HSF1: variants seen among roughly 807,000 people sequenced by gnomAD.
HSF1 encodes heat shock transcription factor 1.
HSF1 carries 32 observed loss-of-function variants against 51.7 expected under a neutral mutation model. That is an observed-to-expected ratio of 0.62 (90% confidence interval 0.47 to 0.83). The LOEUF is 0.83. HSF1 is among the 40% of genes least tolerant of loss of function. HSF1 has a pLI of 0.00. For synonymous variants in HSF1, 396 were observed against 309.7 expected, an observed-to-expected ratio of 1.28 and a Z score of -2.92; for missense variants, 727 against 717.0, an observed-to-expected ratio of 1.01 and a Z score of -0.16.
intron 1 of HSF1, among the ~76,000 whole-genome samples, chr8:144,302,197 A>G (rs1815934120): frequency 6.6e-6 from 1 of 150,990 alleles, no homozygotes; most frequent in Admixed American, 6.6e-5. Flanking sequence ...GCAACTCAGG[A>G]AGACAACCAT....
At chr8:144,299,435 T>TAAA (rs11309028) in intron 1 of HSF1, among the ~76,000 whole-genome samples, 3 of 132,274 alleles carry the variant, frequency 2.3e-5, no homozygotes, top group Middle Eastern at 3.5e-3. Flanking sequence ...AGACTCCTTC[T>TAAA]AAAAAAAAAA....
chr8:144,308,822 A>T, intron 1 of HSF1, 84 bp from the exon 2 acceptor site: 1 of 1,114,366 alleles, frequency 9.0e-7, no homozygotes, highest in Non-Finnish European at 1.4e-6. Context: ...CCTGCGTTTC[A>T]GAAGGGGCGG....
rs548190981 is a variant in HSF1 at position 144,297,154 on chromosome 8, G to A, written c.117+5280G>A. On this transcript the variant is annotated intron_variant, in intron 1 of 12. Coordinates refer to ENST00000528838, the MANE Select transcript of HSF1 (RefSeq NM_005526.4). This position sits in a 1 kb window ranked among gnomAD's most constrained non-coding sequence, Gnocchi z 4.6. The stretch of plus-strand genomic sequence containing the variant: ...GGCGAGCTGGAGAGGGGTCGGTGGG[G>A]CTCACAGTGCCTTCCCAGAGGAAGC... Among the ~76,000 whole-genome samples the A allele has an allele frequency of 8.5e-5, 13 of 152,298 alleles. No homozygotes were observed. Among genetic ancestry groups the A allele is most frequent in the African/African-American group, 3.1e-4 (13 of 41,550 alleles).
intron 1 of HSF1, among the ~76,000 whole-genome samples, chr8:144,302,702 G>C (rs1815973977): frequency 1.3e-5 from 2 of 151,346 alleles, no homozygotes; most frequent in Non-Finnish European, 2.9e-5. Context: ...TGCTCCTGTG[G>C]GCCCAGCTAC....
In HSF1 at chr8:144,301,020, A is replaced by T. The variant is rs149019018; in HGVS notation, c.118-7886A>T. Among the ~76,000 whole-genome samples the T allele has an allele frequency of 7.3e-3, 1,105 of 152,358 alleles. 15 individuals carry two copies. Among genetic ancestry groups the T allele is most frequent in the African/African-American group, 0.024 (1,003 of 41,584 alleles). ...ATGGAAACTGTCCACAGTGATGTAC[A>T]GGGAGAAAAAGGACTGCAAAAACTT... On this transcript the variant is annotated intron_variant, in intron 1 of 12. Transcript: ENST00000528838.
chr8:144,310,981 GC>G, intron 4 of HSF1, 192 bp from the exon 5 acceptor site: 1 of 606,182 alleles, frequency 1.6e-6, no homozygotes, highest in Non-Finnish European at 2.9e-6. Context: ...GCAGGGAGGG[GC>G]AGTGGGACCA....
Position 144,311,729 on chromosome 8 carries a change from C to T in HSF1, c.753C>T (p.Ser251=), listed in dbSNP as rs140301460. The T allele has an allele frequency of 6.3e-5, 101 of 1,612,328 alleles. No individual in the cohort carries two copies. Among genetic ancestry groups the T allele is most frequent in the Non-Finnish European group, 6.9e-5 (81 of 1,179,480 alleles). ...SAPSPAYSSS[S]LYAPDAVASS... ...CCTCCCCAGCCTACAGCAGCTCCAG[C>T]CTCTACGCCCCTGATGCTGTGGCCA... Residue 251 remains serine (S), a synonymous_variant, in exon 8 of 13, where the codon AGC becomes AGT. Coordinates refer to ENST00000528838, the MANE Select transcript of HSF1 (RefSeq NM_005526.4).
intron 1 of HSF1, among the ~76,000 whole-genome samples, chr8:144,292,965 G>GA (rs1421034053): frequency 6.6e-6 from 1 of 151,824 alleles, no homozygotes; most frequent in Middle Eastern, 3.4e-3. Context: ...AGAAAAAAAA[G>GA]AAAAAAAAGA....
chr8:144,312,073 T>G lies in HSF1; in HGVS notation c.971T>G (p.Leu324Arg), dbSNP rs1554844862. 6.2e-7 allele frequency: 1 copy of G among 1,611,662 alleles called. No individual in the cohort carries two copies. The highest frequency in any genetic ancestry group is 2.2e-5 in the East Asian group (1 of 44,802). ...SPGRPSSVDT[L>R]LSPTALIDSI... ...GGGCGCCCATCTTCCGTGGACACCCTCTTGTCCCCGACCGCCCTCATTGAC... is the reference window on the plus strand; with the variant it reads ...GGGCGCCCATCTTCCGTGGACACCCGCTTGTCCCCGACCGCCCTCATTGAC... The change falls in exon 9 of 13, where the codon CTC (leucine) becomes CGC (arginine). Residue 324 changes from leucine to arginine, a missense_variant. Leu to Arg is a moderately radical substitution (Grantham distance 102). Coordinates refer to ENST00000528838, the MANE Select transcript of HSF1 (RefSeq NM_005526.4).
rs1815115208 is a variant in HSF1, at chr8:144,291,939, C to A, written c.117+65C>A. On this transcript the variant is annotated intron_variant, in intron 1 of 12. Transcript: ENST00000528838. This position sits in a 1 kb window ranked among gnomAD's most constrained non-coding sequence, Gnocchi z 4.1. The stretch of plus-strand genomic sequence containing the variant: ...GAGGGAGCAGGGCCGCGGCGGACGG[C>A]GCGGGAGGGCTGCGGGGAGGGGCCC... The A allele has an allele frequency of 3.6e-6, 3 of 844,156 alleles. No individual in the cohort carries two copies. Among genetic ancestry groups the A allele is most frequent in the East Asian group, 6.9e-5 (2 of 28,948 alleles). 52.3% of individuals were successfully genotyped at this position (844,156 alleles called of 1,614,324 possible).
intron 4 of HSF1, 51 bp downstream of exon 4, chr8:144,309,947 A>C: frequency 6.3e-7 from 1 of 1,586,444 alleles, no homozygotes; most frequent in Non-Finnish European, 8.6e-7. Context: ...GCGCCCACCA[A>C]GAGGCCCCGG....
intron 1 of HSF1, among the ~76,000 whole-genome samples, chr8:144,306,892 G>A (rs1816259405): frequency 6.6e-6 from 1 of 152,246 alleles, no homozygotes; most frequent in African/African-American, 2.4e-5. Flanking sequence ...CCTGGGGCCA[G>A]TGAGTCTCCC....
At chr8:144,295,631 G>A (rs1367280970) in intron 1 of HSF1, among the ~76,000 whole-genome samples, 1 of 152,154 alleles carries the variant, frequency 6.6e-6, no homozygotes, top group East Asian at 1.9e-4. Context: ...GCAGCTCGCT[G>A]CAGCCTCTGC....
In HSF1 at chr8:144,311,245, A is replaced by G. The variant is rs140885087; in HGVS notation, c.560A>G (p.Asn187Ser). The change falls in exon 5 of 13, where the codon AAC (asparagine) becomes AGC (serine). Residue 187 changes from asparagine to serine, a missense_variant. Physicochemically the swap from Asn to Ser is conservative, Grantham distance 46. Around this residue, in one of 2 missense-constraint regions of HSF1, gnomAD observed 257 missense variants for 318.3 expected, o/e 0.81. Coordinates refer to ENST00000528838, the MANE Select transcript of HSF1 (RefSeq NM_005526.4). ...QKHAQQQKVV[N>S]KLIQFLISLV... is the part of the protein sequence containing the mutation. ...CATGCCCAGCAACAGAAAGTCGTCAACAAGGTGGGGGCAGGGCCAGAGGGC... is the reference window on the plus strand; with the variant it reads ...CATGCCCAGCAACAGAAAGTCGTCAGCAAGGTGGGGGCAGGGCCAGAGGGC... 70 of 1,613,218 alleles carry G rather than the reference A, an allele frequency of 4.3e-5. No individual in the cohort carries two copies. The highest frequency in any genetic ancestry group is 1.6e-4 in the Middle Eastern group (1 of 6,084).
intron 6 of HSF1, 21 bp downstream of exon 6, chr8:144,311,403 G>A (rs563976343): frequency 6.2e-7 from 1 of 1,613,634 alleles, no homozygotes; most frequent in African/African-American, 1.3e-5. Context: ...GGGGATGCCT[G>A]CATCCACCAC....
chr8:144,309,799 A>G lies in HSF1; in HGVS notation c.391A>G (p.Lys131Glu), dbSNP rs1554843981. Residue 131 changes from lysine (K) to glutamate (E), a missense_variant, in exon 4 of 13, where the codon AAG becomes GAG. Transcript: ENST00000528838. The part of the protein sequence containing the change: ...SVSTLKSEDI[K>E]IRQDSVTKLL... Reference sequence around the variant, plus strand: ...GTCCACCCTGAAGAGTGAAGACATAAAGATCCGCCAGGACAGCGTCACCAA... The same window carrying G: ...GTCCACCCTGAAGAGTGAAGACATAGAGATCCGCCAGGACAGCGTCACCAA... The G allele has an allele frequency of 1.2e-6, 2 of 1,613,828 alleles. No individual in the cohort carries two copies. Among genetic ancestry groups the G allele is most frequent in the Non-Finnish European group, 1.7e-6 (2 of 1,179,964 alleles).
rs186977343 is a variant in HSF1 at position 144,314,669 on chromosome 8, G to A, written c.*339G>A. 2 of 319,596 alleles carry A rather than the reference G, an allele frequency of 6.3e-6. No individual in the cohort carries two copies. The highest frequency in any genetic ancestry group is 5.9e-6 in the Non-Finnish European group (1 of 168,728). The allele number at this position is 319,596 out of a possible 1,614,324, so 19.8% of individuals were successfully genotyped here. ...AGAGATACACAGATATATACACACA[G>A]TGGATGGACGGACAAGACAGGCAGA... On this transcript the variant is annotated 3_prime_UTR_variant, in exon 13 of 13. Transcript: ENST00000528838.
rs200404974 is a variant in HSF1, at chr8:144,314,046, C to G, written c.1376C>G (p.Pro459Arg). 7.5e-6 allele frequency: 12 copies of G among 1,610,202 alleles called. No individual in the cohort carries two copies. Among genetic ancestry groups the G allele is most frequent in the Non-Finnish European group, 1.0e-5 (12 of 1,179,174 alleles). ...CCTCCCGAGGCAGAGAACAGCAGCCCGGATTCAGGTGAGCCAAGTCCCACC... is the reference window on the plus strand; with the variant it reads ...CCTCCCGAGGCAGAGAACAGCAGCCGGGATTCAGGTGAGCCAAGTCCCACC... ...PRPPEAENSS[P>R]DSGKQLVHYT... The change falls in exon 12 of 13, where the codon CCG becomes CGG. Residue 459 changes from proline to arginine, a missense_variant. Physicochemically the swap from Pro to Arg is moderately radical, Grantham distance 103. Around this residue, in one of 2 missense-constraint regions of HSF1, gnomAD observed 470 missense variants for 398.8 expected, o/e 1.18. Coordinates refer to ENST00000528838, the MANE Select transcript of HSF1 (RefSeq NM_005526.4).
Position 144,314,508 on chromosome 8 carries a change from C to T in HSF1, c.*178C>T. On this transcript the variant is annotated 3_prime_UTR_variant, in exon 13 of 13. Coordinates refer to ENST00000528838, the MANE Select transcript of HSF1 (RefSeq NM_005526.4). ...GGTCAGGAGGGTCACCCTGGCCTGCCAGTCTGCCTTCCCCCAACCCCGTGT... is the reference window on the plus strand; with the variant it reads ...GGTCAGGAGGGTCACCCTGGCCTGCTAGTCTGCCTTCCCCCAACCCCGTGT... The T allele has an allele frequency of 1.6e-6, 1 of 615,960 alleles. No individual in the cohort carries two copies. Among genetic ancestry groups the T allele is most frequent in the Non-Finnish European group, 2.9e-6 (1 of 349,288 alleles). The allele number at this position is 615,960 out of a possible 1,614,324, so 38.2% of individuals were successfully genotyped here.
Sources: allele counts gnomAD v4.1 joint callset (sites outside exome capture counted in the v4.1 genomes callset), GRCh38; gene constraint gnomAD v4.1.1; regional missense constraint gnomAD v4.1.1; non-coding constraint Gnocchi (gnomAD v3.1); transcripts MANE v1.5; gene names NCBI Gene and HGNC (gene_info 2026-07-23, HGNC 2026-07-21).